Variants in TUBGCP3 observed in about 807,000 individuals in gnomAD.
The protein encoded by TUBGCP3 is tubulin gamma complex component 3, also known as gamma-tubulin complex component 3.
Under a neutral mutation model 123.1 loss-of-function variants are expected in TUBGCP3, and 50 were observed. That is an observed-to-expected ratio of 0.41 (90% CI 0.32 to 0.51). The LOEUF (loss-of-function observed/expected upper bound fraction) is 0.51. Ranked by LOEUF, TUBGCP3 falls within the 20% of genes least tolerant of loss-of-function variation. The pLI is 0.36. For missense variants in TUBGCP3, 882 were observed against 1,127.0 expected, an observed-to-expected ratio of 0.78 and a Z score of 3.11; for synonymous variants, 405 against 413.9, an observed-to-expected ratio of 0.98 and a Z score of 0.26.
intron 9 of TUBGCP3, among the ~76,000 whole-genome samples, 154 bp downstream of exon 9, chr13:112,547,954 C>T (rs1455485567): frequency 1.3e-5 from 2 of 152,104 alleles, no homozygotes; most frequent in African/African-American, 2.4e-5. Context: ...CTAGGATACA[C>T]TGAAACTTGA....
At chr13:112,570,517 AG>A (rs71671649) in intron 1 of TUBGCP3, among the ~76,000 whole-genome samples, 23,946 of 152,246 alleles carry the variant, frequency 0.16, 2,135 homozygotes, top group East Asian at 0.21. Flanking sequence ...ACATATACAC[AG>A]CCTTAATTCA....
chr13:112,546,523 T>G (rs564618628), intron 10 of TUBGCP3: 1 of 152,378 alleles, frequency 6.6e-6, no homozygotes, highest in African/African-American at 2.4e-5. Context: ...ACTGGTAGAT[T>G]TTAGGGAGAG....
In TUBGCP3 at chr13:112,504,587, CTT is replaced by C. The variant is rs781039037; in HGVS notation, c.2175+37_2175+38del. The stretch of plus-strand genomic sequence containing the variant: ...ATACCATGTAAAAGCCAAGACATGA[CTT>C]ATTTAAACTAAAATCAACACAATGA... On this transcript the variant is annotated intron_variant, in intron 18 of 21. Transcript: ENST00000261965. The C allele has an allele frequency of 2.0e-5, 30 of 1,530,834 alleles. No individual in the cohort carries two copies. The African/African-American group carries it at 3.8e-4, about 20-fold the overall frequency. 94.8% of individuals were successfully genotyped at this position (1,530,834 alleles called of 1,614,324 possible).
chr13:112,569,311 G>T, intron 1 of TUBGCP3, 52 bp from the exon 2 acceptor site: 1 of 1,561,362 alleles, frequency 6.4e-7, no homozygotes, highest in Non-Finnish European at 8.8e-7. Flanking sequence ...TTACGTTCTG[G>T]TCACCTGAAG....
intron 8 of TUBGCP3, among the ~76,000 whole-genome samples, chr13:112,553,010 C>G (rs1381806416): frequency 6.6e-6 from 1 of 150,380 alleles, no homozygotes; most frequent in African/African-American, 2.4e-5. Flanking sequence ...TCTTACCCAC[C>G]ACCCACACTC....
At chr13:112,578,298 G>A (rs968031190) in intron 1 of TUBGCP3, among the ~76,000 whole-genome samples, 1 of 151,928 alleles carries the variant, frequency 6.6e-6, no homozygotes, top group Non-Finnish European at 1.5e-5. Context: ...GGTGGCTCAC[G>A]CCTGTAATCC....
chr13:112,536,563 G>C (rs1369775870), intron 11 of TUBGCP3, among the ~76,000 whole-genome samples: 1 of 152,038 alleles, frequency 6.6e-6, no homozygotes, highest in Non-Finnish European at 1.5e-5. Flanking sequence ...ATTTTAAATG[G>C]AGTTATTTTC....
intron 20 of TUBGCP3, among the ~76,000 whole-genome samples, chr13:112,497,301 G>A (rs1269904429): frequency 6.6e-6 from 1 of 152,146 alleles, no homozygotes; most frequent in African/African-American, 2.4e-5. Context: ...TTATCCATAG[G>A]GTTGCCTGGA....
intron 19 of TUBGCP3, among the ~76,000 whole-genome samples, chr13:112,502,848 A>G (rs1203474787): frequency 9.9e-5 from 15 of 151,998 alleles, no homozygotes; most frequent in Admixed American, 7.2e-4. Context: ...CCCGGCCTGT[A>G]TATTTCTTTA....
chr13:112,562,086 TACCACCAGCCAGGACCCACTAGGGAAC>T (rs1169426480), intron 3 of TUBGCP3, among the ~76,000 whole-genome samples: 1 of 127,440 alleles, frequency 7.8e-6, no homozygotes, highest in Non-Finnish European at 1.7e-5. Flanking sequence ...ACTATGGGAA[TACCACCAGCCAGGACCCACTAGGGAAC>T]ACCACCAGCC....
chr13:112,555,496 T>C (rs774758015), intron 6 of TUBGCP3, among the ~76,000 whole-genome samples: 1 of 152,212 alleles, frequency 6.6e-6, no homozygotes, highest in Non-Finnish European at 1.5e-5. Flanking sequence ...CTGCTAACTG[T>C]AGTGTTCTCA....
chr13:112,489,564 T>C lies in TUBGCP3; in HGVS notation c.2565+17A>G. ...GGCAGAGTGGTGTGAAGAGCCACTC[T>C]GTATCCTCATACACACCTGGTAGAA... On this transcript the variant is annotated intron_variant, in intron 21 of 21. Coordinates refer to ENST00000261965, the MANE Select transcript of TUBGCP3 (RefSeq NM_006322.6). 1 of 1,569,450 alleles carries C rather than the reference T, an allele frequency of 6.4e-7. No homozygotes were observed. The highest frequency in any genetic ancestry group is 2.2e-5 in the East Asian group (1 of 44,674).
At chr13:112,489,307 G>A (rs1258030292) in intron 21 of TUBGCP3, among the ~76,000 whole-genome samples, 2 of 152,240 alleles carry the variant, frequency 1.3e-5, no homozygotes, top group African/African-American at 4.8e-5. Flanking sequence ...CCAACACAGG[G>A]GAGCACTGGG....
chr13:112,540,484 T>G (rs1380102577), intron 11 of TUBGCP3, among the ~76,000 whole-genome samples: 1 of 142,168 alleles, frequency 7.0e-6, no homozygotes, highest in African/African-American at 2.8e-5. Context: ...AGCATTCAGG[T>G]GATCTTGGGA....
intron 17 of TUBGCP3, among the ~76,000 whole-genome samples, chr13:112,513,646 T>A (rs566340277): frequency 6.6e-6 from 1 of 152,332 alleles, no homozygotes; most frequent in African/African-American, 2.4e-5. Flanking sequence ...TAGCAGGACA[T>A]TTCTAACGCG....
chr13:112,544,560 G>C (rs1191968147), intron 11 of TUBGCP3: 2 of 151,332 alleles, frequency 1.3e-5, no homozygotes, highest in African/African-American at 4.9e-5. Context: ...ACACATAAAA[G>C]GATGTTCATT....
chr13:112,522,167 T>A (rs1278421340), intron 14 of TUBGCP3, among the ~76,000 whole-genome samples, 153 bp downstream of exon 14: 2 of 152,210 alleles, frequency 1.3e-5, no homozygotes, highest in Non-Finnish European at 2.9e-5. Flanking sequence ...CTTTACCTTT[T>A]GAAAATTTTA....
At position 112,545,320 on chromosome 13, in the gene TUBGCP3, T is replaced by C; in HGVS notation, c.1335+379A>G. 1 of 211,848 alleles carries C rather than the reference T, an allele frequency of 4.7e-6. No homozygotes were observed. Among genetic ancestry groups the C allele is most frequent in the South Asian group, 9.6e-5 (1 of 10,436 alleles). 13.1% of individuals were successfully genotyped at this position (211,848 alleles called of 1,614,324 possible). ...CTACATACACAACTAACTTGTTTCA[T>C]TAAGCTGTTAGCACCAAAGTGAGTT... On this transcript the variant is annotated intron_variant, in intron 11 of 21. Transcript: ENST00000261965. This position sits in a 1 kb window ranked among gnomAD's most constrained non-coding sequence, Gnocchi z 4.1.
intron 20 of TUBGCP3, 48 bp downstream of exon 20, chr13:112,498,997 A>G (rs763488018): frequency 1.2e-6 from 2 of 1,614,234 alleles, no homozygotes; most frequent in South Asian, 2.2e-5. Flanking sequence ...GTGTGTGGCA[A>G]GGAGTTCATT....
Sources: gnomAD v4.1 joint callset for allele counts (sites outside exome capture counted in the v4.1 genomes callset) on GRCh38, gnomAD v4.1.1 for gene constraint, Gnocchi (gnomAD v3.1) non-coding constraint, MANE v1.5 for transcripts, NCBI Gene and HGNC (gene_info 2026-07-23, HGNC 2026-07-21) for gene names.